The following RSRP1 variants were observed in gnomAD, a reference collection of about 807,000 sequenced individuals.
RSRP1 encodes arginine and serine rich protein 1.
In RSRP1, 37 loss-of-function variants were observed where a neutral mutation model predicts 33.0. That is an observed-to-expected ratio of 1.12 (90% confidence interval 0.86 to 1.48). RSRP1 has a LOEUF of 1.48. Among genes scored for constraint, RSRP1 ranks in the 40% most tolerant of loss-of-function variants. The pLI, the probability that RSRP1 is intolerant of heterozygous loss-of-function variation, is 0.00. For synonymous variants in RSRP1, 167 were observed against 158.7 expected (o/e 1.05, Z -0.40); for missense variants, 402 against 385.3 (o/e 1.04, Z -0.36).
chr1:25,244,841 G>A, intron 3 of RSRP1: 4 of 988,812 alleles, frequency 4.0e-6, no homozygotes, highest in Non-Finnish European at 5.3e-6. Flanking sequence ...GCACCACCAT[G>A]CCTGGCTAAT....
At chr1:25,304,740 C>T (rs1296209696) in intron 1 of RSRP1, 3 of 131,666 alleles carry the variant, frequency 2.3e-5, no homozygotes, top group African/African-American at 5.2e-5. Context: ...ATCAATACTT[C>T]GATTAACCAA....
Position 25,292,621 on chromosome 1 carries a change from C to T in RSRP1, c.-67+45357G>A, listed in dbSNP as rs1160271449. Among the ~76,000 whole-genome samples, 61 of 125,188 alleles carry T rather than the reference C, an allele frequency of 4.9e-4. 10 individuals carry two copies. Among genetic ancestry groups the T allele is most frequent in the African/African-American group, 1.6e-3 (58 of 36,976 alleles). 82.1% of individuals were successfully genotyped at this position (125,188 alleles called of 152,430 possible). A position where few individuals can be genotyped will look rare whatever the true frequency, so the allele number is the denominator to read the frequency against. On this transcript the variant is annotated intron_variant, in intron 1 of 1. Coordinates refer to the RSRP1 transcript ENST00000561867. The stretch of plus-strand genomic sequence containing the variant: ...GGAGGGAAAACCCAGAGTTCAGTGT[C>T]GAATGTGGTAGCGTTAGGGTTAAGG...
Position 25,321,615 on chromosome 1 carries a change from A to G in RSRP1, c.-67+16363T>C, listed in dbSNP as rs1161747143. ...AACCTGGGAGGCAGAGGCTGCAGTG[A>G]GCCGAGATCACGCCATTGTACTCCA... is the stretch of plus-strand genomic sequence containing the variant. On this transcript the variant is annotated intron_variant, in intron 1 of 1. Coordinates refer to the RSRP1 transcript ENST00000561867. Among the ~76,000 whole-genome samples, 2 of 126,724 alleles carry G rather than the reference A, an allele frequency of 1.6e-5. 1 individual carries two copies. The highest frequency in any genetic ancestry group is 1.6e-4 in the Admixed American group (2 of 12,626). The allele number at this position is 126,724 out of a possible 152,430, so 83.1% of individuals were successfully genotyped here.
intron 1 of RSRP1, among the ~76,000 whole-genome samples, chr1:25,255,980 G>A (rs1258889888): frequency 2.0e-5 from 3 of 152,074 alleles, no homozygotes; most frequent in Non-Finnish European, 2.9e-5. Flanking sequence ...ACAAATGGGG[G>A]GTTGGAGACC....
chr1:25,246,675 G>A lies in RSRP1; in HGVS notation c.289C>T (p.Arg97Cys). The change falls in exon 2 of 5, where the codon CGC becomes TGC. Residue 97 changes from arginine (R) to cysteine (C), a missense_variant. Coordinates refer to ENST00000243189, the MANE Select transcript of RSRP1 (RefSeq NM_020317.5). ...TAGTATCTCCTGGTGAACCCGTAGCGCCTCTCTCGGTAACGGCGGCTGCGG... is the reference window on the plus strand; with the variant it reads ...TAGTATCTCCTGGTGAACCCGTAGCACCTCTCTCGGTAACGGCGGCTGCGG... Reference protein sequence around the residue: ...RSRSRRYRERRYGFTRRYYRS... With the variant: ...RSRSRRYRERCYGFTRRYYRS... The A allele has an allele frequency of 6.2e-7, 1 of 1,611,108 alleles. No individual in the cohort carries two copies. Among genetic ancestry groups the A allele is most frequent in the Non-Finnish European group, 8.5e-7 (1 of 1,177,604 alleles).
intron 1 of RSRP1, among the ~76,000 whole-genome samples, chr1:25,256,940 T>A (rs947212207): frequency 6.6e-6 from 1 of 152,238 alleles, no homozygotes; most frequent in Admixed American, 6.5e-5. Flanking sequence ...TCTATTAGAC[T>A]GGTTTCTGGA....
At position 25,246,452 on chromosome 1, in the gene RSRP1, C is replaced by G. The variant is rs1639402609; in HGVS notation, c.512G>C (p.Ser171Thr). 2 of 1,612,400 alleles carry G rather than the reference C, an allele frequency of 1.2e-6. No homozygotes were observed. The highest frequency in any genetic ancestry group is 4.5e-5 in the East Asian group (2 of 44,840). ...GTAAATGACCCACCCACCTTTTTCA[C>G]TTAAGCGAAAGGGGGTTCTGCTCCG... is the stretch of plus-strand genomic sequence containing the variant. Reference protein sequence around the residue: ...RSRSRTPFRLSEKDRMELLEI... With the variant: ...RSRSRTPFRLTEKDRMELLEI... The change falls in exon 2 of 5, where the codon AGT (serine) becomes ACT (threonine). Residue 171 changes from serine (S) to threonine (T), a missense_variant. Physicochemically the swap from Ser to Thr is moderately conservative, Grantham distance 58. Coordinates refer to ENST00000243189, the MANE Select transcript of RSRP1 (RefSeq NM_020317.5).
intron 1 of RSRP1, among the ~76,000 whole-genome samples, chr1:25,263,302 G>A (rs1370838670): frequency 6.6e-6 from 1 of 151,878 alleles, no homozygotes; most frequent in Non-Finnish European, 1.5e-5. Flanking sequence ...TATTCTGCAA[G>A]GTGAAAAGCC....
intron 1 of RSRP1, among the ~76,000 whole-genome samples, chr1:25,258,356 T>G (rs994713696): frequency 6.6e-6 from 1 of 152,118 alleles, no homozygotes; most frequent in African/African-American, 2.4e-5. Context: ...ATTTTTGTAT[T>G]TTTTGTAGAG....
intron 1 of RSRP1, among the ~76,000 whole-genome samples, chr1:25,299,741 G>C (rs1643234855): frequency 7.5e-6 from 1 of 132,494 alleles, no homozygotes; most frequent in Non-Finnish European, 1.8e-5. Context: ...AACATGATCT[G>C]ACTTGCATTT....
Position 25,282,509 on chromosome 1 carries a change from A to G in RSRP1, c.-66-35480T>C, listed in dbSNP as rs1641579800. 1.5e-5 allele frequency among the ~76,000 whole-genome samples: 2 copies of G among 132,400 alleles called. 1 individual carries two copies. The highest frequency in any genetic ancestry group is 5.2e-5 in the African/African-American group (2 of 38,806). 86.9% of individuals were successfully genotyped at this position (132,400 alleles called of 152,430 possible). A position where few individuals can be genotyped will look rare whatever the true frequency, so the allele number is the denominator to read the frequency against. ...CATCCTCCTAAATTGGTATCTTTAT[A>G]TGTCCAAAAGAGTCAACTGGTGGCA... is the stretch of plus-strand genomic sequence containing the variant. On this transcript the variant is annotated intron_variant, in intron 1 of 1. Transcript: ENST00000561867.
rs1191883816 is a variant in RSRP1, at chr1:25,308,616, T to C, written c.-67+29362A>G. Reference sequence around the variant, plus strand: ...TCAAGCTGTCAAGGAGACATCACTATACATGGACTTGGGAAGAGATGAGAA... The same window carrying C: ...TCAAGCTGTCAAGGAGACATCACTACACATGGACTTGGGAAGAGATGAGAA... On this transcript the variant is annotated intron_variant, in intron 1 of 1. Transcript: ENST00000561867. 1.1e-4 allele frequency among the ~76,000 whole-genome samples: 15 copies of C among 131,790 alleles called. 3 individuals carry two copies. The highest frequency in any genetic ancestry group is 2.9e-4 in the African/African-American group (11 of 38,200). 86.5% of individuals were successfully genotyped at this position (131,790 alleles called of 152,430 possible). A position where few individuals can be genotyped will look rare whatever the true frequency, so the allele number is the denominator to read the frequency against.
In RSRP1 at chr1:25,246,429, A is replaced by T. The variant is rs1171479300; in HGVS notation, c.520+15T>A. 6.2e-7 allele frequency: 1 copy of T among 1,610,774 alleles called. No homozygotes were observed. The highest frequency in any genetic ancestry group is 8.5e-7 in the Non-Finnish European group (1 of 1,177,388). On this transcript the variant is annotated intron_variant, in intron 2 of 4. Coordinates refer to ENST00000243189, the MANE Select transcript of RSRP1 (RefSeq NM_020317.5). The stretch of plus-strand genomic sequence containing the variant: ...CATACATTACCACAAATGGAAAGGT[A>T]AATGACCCACCCACCTTTTTCACTT...
chr1:25,244,335 T>G, intron 3 of RSRP1: 1 of 1,288,224 alleles, frequency 7.8e-7, no homozygotes. Flanking sequence ...TTTATGCAAA[T>G]AGTGCCTGTC....
At position 25,304,144 on chromosome 1, in the gene RSRP1, G is replaced by A. The variant is rs1465766783; in HGVS notation, c.-67+33834C>T. 4.9e-5 allele frequency among the ~76,000 whole-genome samples: 4 copies of A among 81,538 alleles called. 1 individual carries two copies. Among genetic ancestry groups the A allele is most frequent in the African/African-American group, 1.7e-4 (4 of 24,228 alleles). 53.5% of individuals were successfully genotyped at this position (81,538 alleles called of 152,430 possible). On this transcript the variant is annotated intron_variant, in intron 1 of 1. Transcript: ENST00000561867. ...CTCCAATACTCAGCAAATCCTGATCGTTCCAGAATACTTCATTATAGCCAA... is the reference window on the plus strand; with the variant it reads ...CTCCAATACTCAGCAAATCCTGATCATTCCAGAATACTTCATTATAGCCAA...
intron 1 of RSRP1, chr1:25,301,779 G>C: frequency 2.1e-6 from 2 of 951,654 alleles, no homozygotes; most frequent in Non-Finnish European, 3.3e-6. Context: ...AGCGTGGGTT[G>C]GGAGAGGGCA....
intron 1 of RSRP1, among the ~76,000 whole-genome samples, chr1:25,255,417 G>C (rs114224354): frequency 3.3e-5 from 5 of 152,222 alleles, no homozygotes; most frequent in Non-Finnish European, 5.9e-5. Context: ...TGAACTGTTC[G>C]ATCCTCATGC....
chr1:25,289,099 G>A lies in RSRP1; in HGVS notation c.-66-42070C>T, dbSNP rs1287602550. ...TGAACCTCACATTTGTGATCAGCTGGCATGACTGTTTCCAAAAAGTCCATT... is the reference window on the plus strand; with the variant it reads ...TGAACCTCACATTTGTGATCAGCTGACATGACTGTTTCCAAAAAGTCCATT... On this transcript the variant is annotated intron_variant, in intron 1 of 1. Transcript: ENST00000561867. Among the ~76,000 whole-genome samples the A allele has an allele frequency of 2.3e-5, 3 of 131,576 alleles. 1 individual carries two copies. The highest frequency in any genetic ancestry group is 5.4e-5 in the Non-Finnish European group (3 of 55,526). 86.3% of individuals were successfully genotyped at this position (131,576 alleles called of 152,430 possible). A position where few individuals can be genotyped will look rare whatever the true frequency, so the allele number is the denominator to read the frequency against.
At position 25,269,302 on chromosome 1, in the gene RSRP1, G is replaced by T. The variant is rs182540000; in HGVS notation, c.-66-22273C>A. Among the ~76,000 whole-genome samples the T allele has an allele frequency of 3.1e-4, 41 of 132,576 alleles. 7 individuals are homozygous for T. Among genetic ancestry groups the T allele is most frequent in the African/African-American group, 1.0e-3 (39 of 38,896 alleles). The allele number at this position is 132,576 out of a possible 152,430, so 87.0% of individuals were successfully genotyped here. A position where few individuals can be genotyped will look rare whatever the true frequency, so the allele number is the denominator to read the frequency against. On this transcript the variant is annotated intron_variant, in intron 1 of 1. Transcript: ENST00000561867. ...TGTACGGAAAGTGAAAGACGGAGTG[G>T]TGGGATGGGAACTCTAAGCGCGGCT...
Sources: gnomAD v4.1 joint callset for allele counts (sites outside exome capture counted in the v4.1 genomes callset) on GRCh38, gnomAD v4.1.1 for gene constraint, MANE v1.5 for transcripts, NCBI Gene and HGNC (gene_info 2026-07-23, HGNC 2026-07-21) for gene names.